The following AXL variants were observed in gnomAD, a reference collection of about 807,000 sequenced individuals.
AXL encodes the protein tyrosine-protein kinase receptor UFO.
In AXL, 52 loss-of-function variants were observed where a neutral mutation model predicts 104.5. The observed-to-expected ratio is 0.50, with a 90% CI of 0.40 to 0.63. The LOEUF is 0.63. AXL is among the 20% of genes least tolerant of loss of function. The pLI is 0.00. For missense variants in AXL, 1,024 were observed against 1,188.5 expected (o/e 0.86, Z 2.04); for synonymous variants, 455 against 473.7 (o/e 0.96, Z 0.51).
intron 19 of AXL, among the ~76,000 whole-genome samples, chr19:41,258,972 A>C (rs1386104296): frequency 4.6e-5 from 7 of 152,218 alleles, no homozygotes; most frequent in Admixed American, 3.3e-4. Context: ...TGGCTGTAGC[A>C]GGAGGCTTCA....
intron 12 of AXL, among the ~76,000 whole-genome samples, chr19:41,244,313 A>AATG (rs2034235608): frequency 6.6e-6 from 1 of 152,054 alleles, no homozygotes; most frequent in Admixed American, 6.6e-5. Flanking sequence ...ACAAGAAGAA[A>AATG]ATGATGATGA....
At chr19:41,232,572 G>A (rs1336368975) in intron 6 of AXL, among the ~76,000 whole-genome samples, 3 of 151,720 alleles carry the variant, frequency 2.0e-5, no homozygotes, top group Non-Finnish European at 4.4e-5. Flanking sequence ...GCAGTGAGCC[G>A]AGATCGTGCC....
chr19:41,238,728 G>A, intron 8 of AXL, 119 bp downstream of exon 8: 1 of 1,355,452 alleles, frequency 7.4e-7, no homozygotes. Flanking sequence ...ATGCCTAGGG[G>A]GCACATTCAG....
chr19:41,220,472 C>T (rs2033768820), intron 1 of AXL, 164 bp from the exon 2 acceptor site: 1 of 622,818 alleles, frequency 1.6e-6, no homozygotes, highest in African/African-American at 1.9e-5. Context: ...GTCCTCCTCT[C>T]AGAGCCTCCG....
chr19:41,226,614 C>G (rs564170133), intron 4 of AXL: 1 of 433,026 alleles, frequency 2.3e-6, no homozygotes, highest in East Asian at 1.6e-4. Flanking sequence ...CTTGCCAACG[C>G]GGTGGGAACA....
chr19:41,223,969 GGTGT>G (rs10553535), intron 4 of AXL, among the ~76,000 whole-genome samples: 10 of 149,754 alleles, frequency 6.7e-5, no homozygotes, highest in South Asian at 2.1e-4. Context: ...TCCCATGTGT[GGTGT>G]GTGTGTGTGT....
intron 4 of AXL, 58 bp from the exon 5 acceptor site, chr19:41,230,909 C>A: frequency 6.4e-7 from 1 of 1,569,070 alleles, no homozygotes; most frequent in Non-Finnish European, 8.8e-7. Context: ...CCGGCATGGC[C>A]CCGGAGCCCT....
At chr19:41,258,560 G>A (rs1054922786) in intron 19 of AXL, among the ~76,000 whole-genome samples, 13 of 152,168 alleles carry the variant, frequency 8.5e-5, no homozygotes, top group African/African-American at 2.4e-4. Flanking sequence ...GACTACAGGC[G>A]TGTGCCACCA....
At chr19:41,225,586 G>T (rs1025172331) in intron 4 of AXL, among the ~76,000 whole-genome samples, 2 of 152,204 alleles carry the variant, frequency 1.3e-5, no homozygotes, top group African/African-American at 4.8e-5. Context: ...GTCGCTAGGT[G>T]TTTGTAATCA....
chr19:41,239,887 A>G (rs1183581089), intron 10 of AXL, among the ~76,000 whole-genome samples, 167 bp downstream of exon 10: 1 of 152,156 alleles, frequency 6.6e-6, no homozygotes, highest in African/African-American at 2.4e-5. Flanking sequence ...ATAATGGCCT[A>G]GCATAGCACA....
chr19:41,249,426 A>G (rs1017941917), intron 14 of AXL, among the ~76,000 whole-genome samples: 1 of 151,850 alleles, frequency 6.6e-6, no homozygotes, highest in African/African-American at 2.4e-5. Context: ...CTGCACTCCA[A>G]TCTGGGTGAC....
chr19:41,238,004 C>A lies in AXL; in HGVS notation c.844C>A (p.Pro282Thr). ...GGGAGAACCAGACCCCCCAGAGGAG[C>A]CCCTCACCTCGCAAGCATCCGTGCC... is the stretch of plus-strand genomic sequence containing the variant. ...QAGEPDPPEE[P>T]LTSQASVPPH... Residue 282 changes from proline to threonine, a missense_variant, in exon 7 of 20, where the codon CCC becomes ACC. Transcript: ENST00000301178. 6.2e-7 allele frequency: 1 copy of A among 1,613,804 alleles called. No homozygotes were observed. Among genetic ancestry groups the A allele is most frequent in the Non-Finnish European group, 8.5e-7 (1 of 1,179,924 alleles).
chr19:41,246,459 T>A (rs60187561), intron 12 of AXL, among the ~76,000 whole-genome samples: 3 of 143,110 alleles, frequency 2.1e-5, no homozygotes, highest in African/African-American at 7.9e-5. Context: ...AAAAAAAAAA[T>A]TAAATAAACC....
At position 41,260,059 on chromosome 19, in the gene AXL, C is replaced by A; in HGVS notation, c.*155C>A. 1.6e-6 allele frequency: 1 copy of A among 643,020 alleles called. No individual in the cohort carries two copies. The highest frequency in any genetic ancestry group is 2.8e-5 in the East Asian group (1 of 35,542). The allele number at this position is 643,020 out of a possible 1,614,324, so 39.8% of individuals were successfully genotyped here. A position where few individuals can be genotyped will look rare whatever the true frequency, so the allele number is the denominator to read the frequency against. On this transcript the variant is annotated 3_prime_UTR_variant, in exon 20 of 20. Coordinates refer to ENST00000301178, the MANE Select transcript of AXL (RefSeq NM_021913.5). ...CCTCCATCCCAGACAGGTCCCTCCCCTTCTCTGTGCAGTAGCATCACCTTG... is the reference window on the plus strand; with the variant it reads ...CCTCCATCCCAGACAGGTCCCTCCCATTCTCTGTGCAGTAGCATCACCTTG...
chr19:41,255,660 T>C (rs1285879365), intron 17 of AXL, among the ~76,000 whole-genome samples: 2 of 151,948 alleles, frequency 1.3e-5, no homozygotes, highest in Non-Finnish European at 2.9e-5. Flanking sequence ...AGGCTGGTCT[T>C]GAACTCCTAG....
intron 19 of AXL, among the ~76,000 whole-genome samples, chr19:41,258,212 C>T (rs1319793086): frequency 1.3e-5 from 2 of 152,282 alleles, no homozygotes; most frequent in Non-Finnish European, 2.9e-5. Flanking sequence ...CAGCCTGGGG[C>T]GTCAGACTCC....
chr19:41,252,125 A>G (rs1203120628), intron 14 of AXL, among the ~76,000 whole-genome samples: 5 of 146,920 alleles, frequency 3.4e-5, no homozygotes, highest in Admixed American at 6.8e-5. Flanking sequence ...AAAAAAAAAA[A>G]AAAGAAAATA....
chr19:41,220,536 C>CGGCGT (rs1291154767), intron 1 of AXL, 100 bp from the exon 2 acceptor site: 1 of 1,020,908 alleles, frequency 9.8e-7, no homozygotes, highest in East Asian at 2.6e-5. Flanking sequence ...AAGGGCCTGG[C>CGGCGT]GGGGTCCTGG....
rs185593573 is a variant in AXL, at chr19:41,239,968, A to G, written c.1312+248A>G. Among the ~76,000 whole-genome samples the G allele has an allele frequency of 3.2e-3, 482 of 149,968 alleles. 1 individual carries two copies. The highest frequency in any genetic ancestry group is 0.011 in the African/African-American group (444 of 40,990). On this transcript the variant is annotated intron_variant, in intron 10 of 19. Transcript: ENST00000301178. Reference sequence around the variant, plus strand: ...CAAATAGATGGATGGATGGATGGATAGATATATGGAGGGTGGATGGGTGGG... The same window carrying G: ...CAAATAGATGGATGGATGGATGGATGGATATATGGAGGGTGGATGGGTGGG...
Sources: gnomAD v4.1 joint callset for allele counts (sites outside exome capture counted in the v4.1 genomes callset) on GRCh38, gnomAD v4.1.1 for gene constraint, MANE v1.5 for transcripts, NCBI Gene and HGNC (gene_info 2026-07-23, HGNC 2026-07-21) for gene names.